GALNTL5: variants seen among roughly 807,000 people sequenced by gnomAD.
GALNTL5 encodes polypeptide N-acetylgalactosaminyltransferase like 5.
GALNTL5 carries 44 observed loss-of-function variants against 51.0 expected under a neutral mutation model. The ratio of observed to expected loss-of-function variants is 0.86; its 90% confidence interval spans 0.68 to 1.11. The LOEUF (loss-of-function observed/expected upper bound fraction) is 1.11, where lower values mean the gene tolerates loss of function less well. Ranked by LOEUF, GALNTL5 falls within the 50% of genes least tolerant of loss-of-function variation. The probability of loss-of-function intolerance (pLI) is 0.00; values close to 1 mark genes in which losing one functional copy is unlikely to be tolerated. For missense variants in GALNTL5, 528 were observed against 531.8 expected (o/e 0.99, Z 0.07); for synonymous variants, 192 against 182.8 (o/e 1.05, Z -0.41).
intron 5 of GALNTL5, among the ~76,000 whole-genome samples, chr7:151,988,750 C>T (rs990055110): frequency 2.7e-5 from 4 of 150,600 alleles, no homozygotes; most frequent in Non-Finnish European, 5.9e-5. Context: ...CCCTCTGTCA[C>T]CCAGGCTGGA....
At chr7:151,961,734 G>A (rs866007115) in intron 1 of GALNTL5, among the ~76,000 whole-genome samples, 21 of 152,326 alleles carry the variant, frequency 1.4e-4, no homozygotes, top group African/African-American at 5.1e-4. Flanking sequence ...GTGATGGAAA[G>A]GGGCAGGGTC....
chr7:151,980,838 T>C (rs60688877), intron 3 of GALNTL5, among the ~76,000 whole-genome samples: 53,936 of 128,350 alleles, frequency 0.42, 12,572 homozygotes, highest in East Asian at 0.63. Context: ...CTCCGCCTCC[T>C]GGGTTCACGC....
chr7:151,961,389 C>A (rs1320799953), intron 1 of GALNTL5, among the ~76,000 whole-genome samples: 1 of 151,838 alleles, frequency 6.6e-6, no homozygotes, highest in Non-Finnish European at 1.5e-5. Context: ...CACCCGTAGT[C>A]CCAACTACCT....
chr7:151,973,521 G>T (rs1161819545), intron 3 of GALNTL5, among the ~76,000 whole-genome samples: 2 of 152,022 alleles, frequency 1.3e-5, no homozygotes, highest in African/African-American at 4.8e-5. Flanking sequence ...ACTTGCATGG[G>T]GCCTGTGGCC....
At chr7:151,960,431 A>G (rs2080977397) in intron 1 of GALNTL5, 1 of 152,254 alleles carries the variant, frequency 6.6e-6, no homozygotes. Flanking sequence ...AATCCCCTTT[A>G]CAGCCCATTT....
intron 6 of GALNTL5, 90 bp from the exon 7 acceptor site, chr7:152,007,737 A>G (rs533849740): frequency 4.8e-6 from 4 of 838,486 alleles, no homozygotes; most frequent in Non-Finnish European, 8.1e-6. Flanking sequence ...ATTTTAAACT[A>G]TAAGTTATTA....
At chr7:152,005,445 T>A (rs73730323) in intron 6 of GALNTL5, among the ~76,000 whole-genome samples, 2 of 152,120 alleles carry the variant, frequency 1.3e-5, no homozygotes, top group African/African-American at 2.4e-5. Flanking sequence ...GCACACCAAA[T>A]GGACGGAACT....
chr7:152,010,270 A>T lies in GALNTL5; in HGVS notation c.1026+2326A>T, dbSNP rs915167336. ...TGGGACTACAGACATGCACCACAAC[A>T]CCTGGCTAATTGTTTGTATTTTAGT... is the stretch of plus-strand genomic sequence containing the variant. On this transcript the variant is annotated intron_variant, in intron 7 of 8. Coordinates refer to ENST00000392800, the MANE Select transcript of GALNTL5 (RefSeq NM_145292.4). Among the ~76,000 whole-genome samples the T allele has an allele frequency of 4.6e-5, 7 of 151,758 alleles. No homozygotes were observed. The East Asian group carries it at 7.9e-4, about 17-fold the overall frequency.
intron 6 of GALNTL5, among the ~76,000 whole-genome samples, chr7:152,004,500 T>C (rs1045731187): frequency 6.6e-6 from 1 of 152,186 alleles, no homozygotes; most frequent in Non-Finnish European, 1.5e-5. Flanking sequence ...TGCAATTTTG[T>C]TATATGGCTA....
chr7:151,970,155 G>T (rs79943994), intron 2 of GALNTL5, among the ~76,000 whole-genome samples: 1 of 143,832 alleles, frequency 7.0e-6, no homozygotes, highest in Non-Finnish European at 1.5e-5. Context: ...AGTTGGGGGG[G>T]CCCCCACCAA....
At chr7:152,010,115 G>A (rs1216542570) in intron 7 of GALNTL5, among the ~76,000 whole-genome samples, 1 of 149,844 alleles carries the variant, frequency 6.7e-6, no homozygotes, top group Non-Finnish European at 1.5e-5. Flanking sequence ...TACGAAAGTG[G>A]CTTCTTTTTT....
chr7:152,009,811 AC>A (rs1211115356), intron 7 of GALNTL5, among the ~76,000 whole-genome samples: 1 of 152,050 alleles, frequency 6.6e-6, no homozygotes, highest in African/African-American at 2.4e-5. Flanking sequence ...TCTGTGCCAC[AC>A]CCTTGTTGAT....
chr7:151,978,705 G>A (rs954801463), intron 3 of GALNTL5, among the ~76,000 whole-genome samples: 7 of 152,180 alleles, frequency 4.6e-5, no homozygotes, highest in African/African-American at 1.7e-4. Context: ...TCTGAGAGCT[G>A]TAAAGAAATT....
chr7:151,980,911 A>T (rs2081274700), intron 3 of GALNTL5, among the ~76,000 whole-genome samples: 1 of 150,432 alleles, frequency 6.6e-6, no homozygotes, highest in African/African-American at 2.5e-5. Flanking sequence ...GCGCCCGGCT[A>T]AATTTTTGTA....
rs754312240 is a variant in GALNTL5 at position 152,007,934 on chromosome 7, T to A, written c.1016T>A (p.Leu339His). 3 of 1,522,312 alleles carry A rather than the reference T, an allele frequency of 2.0e-6. No homozygotes were observed. The highest frequency in any genetic ancestry group is 2.7e-6 in the Non-Finnish European group (3 of 1,097,130). 94.3% of individuals were successfully genotyped at this position (1,522,312 alleles called of 1,614,324 possible). ...MDFWGRENLELSLRIWMCGGQ... is the reference protein window; with the variant it reads ...MDFWGRENLEHSLRIWMCGGQ... ...TTTTGGGGAAGAGAAAATTTGGAAC[T>A]TTCACTAAGGGTAATTCAGATTTCA... Residue 339 changes from leucine to histidine, a missense_variant, in exon 7 of 9, where the codon CTT (leucine) becomes CAT (histidine). Leu to His is a moderately conservative substitution (Grantham distance 99, BLOSUM62 -3). Coordinates refer to ENST00000392800, the MANE Select transcript of GALNTL5 (RefSeq NM_145292.4).
chr7:151,983,081 C>T lies in GALNTL5; in HGVS notation c.464C>T (p.Ser155Phe). ...TGTAATGCCTTGTTTCAGACCATGT[C>T]CAGTGTCACGAACCTCACGCCACAC... ...EECNALFQTM[S>F]SVTNLTPHYF... is the part of the protein sequence containing the mutation. Residue 155 changes from serine (S) to phenylalanine (F), a missense_variant, in exon 4 of 9, where the codon TCC (serine) becomes TTC (phenylalanine). Coordinates refer to ENST00000392800, the MANE Select transcript of GALNTL5 (RefSeq NM_145292.4). 6.2e-7 allele frequency: 1 copy of T among 1,614,116 alleles called. No individual in the cohort carries two copies. The highest frequency in any genetic ancestry group is 1.1e-5 in the South Asian group (1 of 91,078).
At chr7:151,988,457 C>T (rs985647742) in intron 5 of GALNTL5, among the ~76,000 whole-genome samples, 5 of 152,136 alleles carry the variant, frequency 3.3e-5, no homozygotes, top group Non-Finnish European at 5.9e-5. Context: ...TGCTCCTTAG[C>T]AGGAAACACC....
At chr7:151,960,465 TA>T (rs2080977802) in intron 1 of GALNTL5, 1 of 152,270 alleles carries the variant, frequency 6.6e-6, no homozygotes, top group South Asian at 2.1e-4. Flanking sequence ...GCAACCATCA[TA>T]CTAGGTCAAG....
chr7:151,957,509 A>C, intron 1 of GALNTL5, among the ~76,000 whole-genome samples: 1 of 150,314 alleles, frequency 6.7e-6, no homozygotes, highest in South Asian at 2.1e-4. Flanking sequence ...TAATTGGGCC[A>C]CTGCACCCCA....
Sources: gnomAD v4.1 joint callset for allele counts (sites outside exome capture counted in the v4.1 genomes callset) on GRCh38, gnomAD v4.1.1 for gene constraint, MANE v1.5 for transcripts, NCBI Gene and HGNC (gene_info 2026-07-23, HGNC 2026-07-21) for gene names.